Variants in TEC observed in about 807,000 individuals in gnomAD.
TEC encodes tyrosine-protein kinase Tec.
In TEC, 72 loss-of-function variants were observed where a neutral mutation model predicts 93.0. That is an observed-to-expected ratio of 0.77 (90% confidence interval 0.64 to 0.94). The LOEUF is 0.94. Ranked by LOEUF, TEC falls within the 40% of genes least tolerant of loss-of-function variation. The pLI, the probability that TEC is intolerant of heterozygous loss-of-function variation, is 0.00. For synonymous variants in TEC, 249 were observed against 247.7 expected (o/e 1.01, Z -0.05); for missense variants, 630 against 757.9 (o/e 0.83, Z 1.98).
intron 1 of TEC, among the ~76,000 whole-genome samples, chr4:48,260,300 T>C (rs967893671): frequency 6.6e-6 from 1 of 152,160 alleles, no homozygotes; most frequent in Non-Finnish European, 1.5e-5. Flanking sequence ...AAGCTAGAAA[T>C]CAGTCAGGTG....
intron 7 of TEC, among the ~76,000 whole-genome samples, chr4:48,164,663 C>A (rs1332362804): frequency 6.6e-6 from 1 of 152,134 alleles, no homozygotes; most frequent in African/African-American, 2.4e-5. Flanking sequence ...GCCACTGTCT[C>A]TAAATACCAT....
rs28409951 is a variant in TEC at position 48,167,967 on chromosome 4, A to G, written c.496-14T>C. The G allele has an allele frequency of 1.3e-5, 21 of 1,612,794 alleles. No individual in the cohort carries two copies. The highest frequency in any genetic ancestry group is 1.8e-5 in the Non-Finnish European group (21 of 1,179,344). ...GGGAGGCCTTCGCTAGACAAGGAAG[A>G]TAACATTTGAAAGTTTAGTCTTCTA... On this transcript the variant is annotated splice_polypyrimidine_tract_variant and intron_variant, in intron 6 of 17. Transcript: ENST00000381501.
At chr4:48,206,152 A>G (rs1722706556) in intron 2 of TEC, among the ~76,000 whole-genome samples, 1 of 91,542 alleles carries the variant, frequency 1.1e-5, no homozygotes, top group Non-Finnish European at 2.4e-5. Context: ...GAAGTAGATT[A>G]GGGTTGCCAG....
At chr4:48,198,050 C>T (rs1274670197) in intron 2 of TEC, among the ~76,000 whole-genome samples, 2 of 152,232 alleles carry the variant, frequency 1.3e-5, no homozygotes, top group African/African-American at 2.4e-5. Context: ...AGATGGAGGA[C>T]TGCCCTCCCA....
chr4:48,217,293 G>A (rs1033476337), intron 2 of TEC, among the ~76,000 whole-genome samples: 66 of 152,186 alleles, frequency 4.3e-4, no homozygotes, highest in Non-Finnish European at 4.3e-4. Context: ...TAGTAGAGAC[G>A]GGGTTTCACC....
At chr4:48,229,076 C>G (rs1723571981) in intron 1 of TEC, among the ~76,000 whole-genome samples, 1 of 152,176 alleles carries the variant, frequency 6.6e-6, no homozygotes, top group South Asian at 2.1e-4. Context: ...GATGACCTTA[C>G]AGACACAGCC....
chr4:48,263,993 A>C (rs1410220509), intron 1 of TEC, among the ~76,000 whole-genome samples: 1 of 152,184 alleles, frequency 6.6e-6, no homozygotes, highest in Non-Finnish European at 1.5e-5. Flanking sequence ...ATTATACTCT[A>C]GCCACTATTA....
chr4:48,155,716 C>T (rs1720372680), intron 9 of TEC: 1 of 152,132 alleles, frequency 6.6e-6, no homozygotes, highest in Admixed American at 6.5e-5. Context: ...GCTTCTCTAA[C>T]CCAAAGACTG....
At chr4:48,254,228 C>G (rs949028945) in intron 1 of TEC, among the ~76,000 whole-genome samples, 6 of 152,136 alleles carry the variant, frequency 3.9e-5, no homozygotes, top group African/African-American at 1.4e-4. Context: ...CCAGGTGAGT[C>G]AATCAGGGAG....
intron 2 of TEC, among the ~76,000 whole-genome samples, chr4:48,223,186 A>G (rs1412966453): frequency 5.9e-5 from 9 of 152,248 alleles, no homozygotes; most frequent in Admixed American, 1.3e-4. Flanking sequence ...AAATTATTTT[A>G]TAAAGTCCAA....
chr4:48,212,110 A>AAAAAAAAAAAAAAAAAAAAAT, intron 2 of TEC, among the ~76,000 whole-genome samples: 1 of 122,266 alleles, frequency 8.2e-6, no homozygotes, highest in African/African-American at 3.0e-5. Context: ...AAAAAAAAAA[A>AAAAAAAAAAAAAAAAAAAAAT]ATATATATAT....
At chr4:48,149,821 T>A in intron 10 of TEC, 131 bp from the exon 11 acceptor site, 1 of 806,050 alleles carries the variant, frequency 1.2e-6, no homozygotes, top group Non-Finnish European at 1.8e-6. Context: ...AATTTTACTT[T>A]CCCCTTGTTC....
At chr4:48,162,556 AT>A (rs1318040737) in intron 8 of TEC, among the ~76,000 whole-genome samples, 1 of 152,118 alleles carries the variant, frequency 6.6e-6, no homozygotes, top group Non-Finnish European at 1.5e-5. Context: ...AATTCTAAGG[AT>A]TTTATAATTT....
chr4:48,153,728 C>A lies in TEC; in HGVS notation c.793-2786G>T, dbSNP rs530708547. On this transcript the variant is annotated intron_variant, in intron 9 of 17. Transcript: ENST00000381501. ...CCTGGCTGCTTGGATGGTCTAACTG[C>A]GGGACACAGTGGGTGATGGTATTTC... Among the ~76,000 whole-genome samples, 3 of 152,216 alleles carry A rather than the reference C, an allele frequency of 2.0e-5. No individual in the cohort carries two copies. The East Asian group carries it at 5.8e-4, about 29-fold the overall frequency.
chr4:48,212,098 C>CAAAAAAAAAAAAAAAAAAA (rs59441112), intron 2 of TEC, among the ~76,000 whole-genome samples: 2 of 86,568 alleles, frequency 2.3e-5, no homozygotes, highest in African/African-American at 9.1e-5. Context: ...GACTCTGTCT[C>CAAAAAAAAAAAAAAAAAAA]AAAAAAAAAA....
intron 2 of TEC, among the ~76,000 whole-genome samples, chr4:48,178,185 A>C (rs1397796636): frequency 1.4e-5 from 2 of 142,808 alleles, no homozygotes; most frequent in Non-Finnish European, 3.0e-5. Flanking sequence ...GCCCTTGTGT[A>C]GTGAAGAGAA....
intron 2 of TEC, among the ~76,000 whole-genome samples, chr4:48,220,143 T>C (rs16851721): frequency 0.63 from 94,605 of 149,060 alleles, 30,191 homozygotes; most frequent in Admixed American, 0.69. Flanking sequence ...GAACTCAATC[T>C]TAAATTCCTA....
intron 3 of TEC, among the ~76,000 whole-genome samples, chr4:48,173,533 T>TGTGTTTCTCG: frequency 6.6e-6 from 1 of 152,114 alleles, no homozygotes; most frequent in African/African-American, 2.4e-5. Context: ...TGTGTTTCTC[T>TGTGTTTCTCG]CTGCCTTAAT....
intron 1 of TEC, among the ~76,000 whole-genome samples, chr4:48,240,493 G>A (rs1577665780): frequency 6.6e-6 from 1 of 152,086 alleles, no homozygotes; most frequent in Non-Finnish European, 1.5e-5. Context: ...AGCCAGCAGA[G>A]CCTTGTGCTA....
Sources: gnomAD v4.1 joint callset for allele counts (sites outside exome capture counted in the v4.1 genomes callset) on GRCh38, gnomAD v4.1.1 for gene constraint, MANE v1.5 for transcripts, NCBI Gene and HGNC (gene_info 2026-07-23, HGNC 2026-07-21) for gene names.